Variants in UPP1 observed in about 807,000 individuals in gnomAD.
UPP1 encodes UPase 1.
Under a neutral mutation model 29.6 loss-of-function variants are expected in UPP1, and 25 were observed. The ratio of observed to expected loss-of-function variants is 0.85; its 90% CI spans 0.62 to 1.18. UPP1 has a LOEUF of 1.18. Among genes scored for constraint, UPP1 ranks in the 50% most tolerant of loss-of-function variants. UPP1 has a pLI of 0.00. For synonymous variants in UPP1, 165 were observed against 159.8 expected (o/e 1.03, Z -0.25); for missense variants, 368 against 410.4 (o/e 0.90, Z 0.89).
At chr7:48,091,681 G>T (rs1206998096) in intron 2 of UPP1, among the ~76,000 whole-genome samples, 1 of 152,202 alleles carries the variant, frequency 6.6e-6, no homozygotes, top group East Asian at 1.9e-4. Context: ...TGGTTAAATA[G>T]ACCCTCCCTG....
rs780413418 is a variant in UPP1 at position 48,099,547 on chromosome 7, C to T, written c.45-123C>T. ...GGCAATGTTGGGGTTGTCTTATCTC[C>T]GGGATCTGGCCCTGTCTTTCTCCCA... is the stretch of plus-strand genomic sequence containing the variant. On this transcript the variant is annotated intron_variant, in intron 3 of 8. Coordinates refer to ENST00000395564, the MANE Select transcript of UPP1 (RefSeq NM_003364.4). 388 of 686,570 alleles carry T rather than the reference C, an allele frequency of 5.7e-4. 1 individual carries two copies. The highest frequency in any genetic ancestry group is 8.7e-4 in the Non-Finnish European group (344 of 395,796). The allele number at this position is 686,570 out of a possible 1,614,324, so 42.5% of individuals were successfully genotyped here. A position where few individuals can be genotyped will look rare whatever the true frequency, so the allele number is the denominator to read the frequency against.
At chr7:48,091,835 A>G (rs1348713046) in intron 2 of UPP1, among the ~76,000 whole-genome samples, 2 of 152,226 alleles carry the variant, frequency 1.3e-5, no homozygotes, top group Admixed American at 6.5e-5. Context: ...AGCGGAAAGC[A>G]GTGACTGGAC....
chr7:48,106,499 T>TG lies in UPP1; in HGVS notation c.437-370dup, dbSNP rs35985285. Reference sequence around the variant, plus strand: ...CTAATTTTTGTATTTTTAGTAGAGATGGGGTCTCACCATGTTGGCCAGGCT... The same window carrying TG: ...CTAATTTTTGTATTTTTAGTAGAGATGGGGGTCTCACCATGTTGGCCAGGCT... On this transcript the variant is annotated intron_variant, in intron 6 of 8. Coordinates refer to ENST00000395564, the MANE Select transcript of UPP1 (RefSeq NM_003364.4). The TG allele has an allele frequency of 5.4e-5, 12 of 221,540 alleles. No individual in the cohort carries two copies. In the South Asian group the frequency reaches 7.4e-4, roughly 14 times the overall value. 13.7% of individuals were successfully genotyped at this position (221,540 alleles called of 1,614,324 possible). A position where few individuals can be genotyped will look rare whatever the true frequency, so the allele number is the denominator to read the frequency against.
rs1792894686 is a variant in UPP1, at chr7:48,108,441, A to G, written c.*84A>G. 1 of 1,467,400 alleles carries G rather than the reference A, an allele frequency of 6.8e-7. No homozygotes were observed. The highest frequency in any genetic ancestry group is 9.2e-7 in the Non-Finnish European group (1 of 1,084,280). 90.9% of individuals were successfully genotyped at this position (1,467,400 alleles called of 1,614,324 possible). On this transcript the variant is annotated 3_prime_UTR_variant, in exon 9 of 9. Coordinates refer to ENST00000395564, the MANE Select transcript of UPP1 (RefSeq NM_003364.4). ...AAAATCCCCTGTTGTGTGGACTTTGAGCACACTTTACACAAGAATCTAGAA... is the reference window on the plus strand; with the variant it reads ...AAAATCCCCTGTTGTGTGGACTTTGGGCACACTTTACACAAGAATCTAGAA...
Position 48,108,202 on chromosome 7 carries a change from T to TCTTTGTC in UPP1, c.794-10_794-4dup. 6.2e-7 allele frequency: 1 copy of TCTTTGTC among 1,610,192 alleles called. No individual in the cohort carries two copies. The highest frequency in any genetic ancestry group is 1.1e-5 in the South Asian group (1 of 90,632). Reference sequence around the variant, plus strand: ...CCCCCGGCACCTTGCCTTGATGTGGTCTTTGTCCTTTGCAGCGGCCGTGGT... The same window carrying TCTTTGTC: ...CCCCCGGCACCTTGCCTTGATGTGGTCTTTGTCCTTTGTCCTTTGCAGCGGCCGTGGT... On this transcript the variant is annotated splice_polypyrimidine_tract_variant and intron_variant, in intron 8 of 8. Coordinates refer to ENST00000395564, the MANE Select transcript of UPP1 (RefSeq NM_003364.4).
chr7:48,092,984 G>A (rs1021226443), intron 2 of UPP1, among the ~76,000 whole-genome samples: 3 of 152,066 alleles, frequency 2.0e-5, no homozygotes, highest in Non-Finnish European at 4.4e-5. Flanking sequence ...GATTAGGGGC[G>A]TGGGCCACTG....
chr7:48,106,708 T>C lies in UPP1; in HGVS notation c.437-165T>C. ...TTAAAAAAAAGTTGAATGGGAAAAA[T>C]GGGTCACTGTGTATTTGAGAACAGT... On this transcript the variant is annotated intron_variant, in intron 6 of 8. Coordinates refer to ENST00000395564, the MANE Select transcript of UPP1 (RefSeq NM_003364.4). The C allele has an allele frequency of 4.8e-6, 3 of 627,660 alleles. No homozygotes were observed. In the South Asian group the frequency reaches 5.9e-5, roughly 12 times the overall value. The allele number at this position is 627,660 out of a possible 1,614,324, so 38.9% of individuals were successfully genotyped here.
At chr7:48,098,534 T>A (rs78998317) in intron 3 of UPP1, among the ~76,000 whole-genome samples, 3,797 of 152,204 alleles carry the variant, frequency 0.025, 170 homozygotes, top group African/African-American at 0.087. Flanking sequence ...AAAATATAGA[T>A]AAGGTGTAAC....
At chr7:48,105,749 G>GGGGTCCCTCTTATAAGGGCACTAAT (rs1562658514) in intron 6 of UPP1, 1 of 152,110 alleles carries the variant, frequency 6.6e-6, no homozygotes, top group African/African-American at 2.4e-5. Context: ...GCAGCTCTCC[G>GGGGTCCCTCTTATAAGGGCACTAAT]GGGTCCCTCT....
intron 8 of UPP1, among the ~76,000 whole-genome samples, chr7:48,107,980 C>T (rs574593868): frequency 6.6e-6 from 1 of 152,244 alleles, no homozygotes; most frequent in South Asian, 2.1e-4. Flanking sequence ...GAAGCAGGCA[C>T]GAGAATAAGG....
intron 4 of UPP1, 76 bp downstream of exon 4, chr7:48,099,863 C>T (rs1792327782): frequency 1.3e-5 from 12 of 958,620 alleles, no homozygotes; most frequent in Admixed American, 1.9e-5. Flanking sequence ...GTAGACCAAC[C>T]CACAAATGCT....
At chr7:48,094,894 C>A (rs1347867713) in intron 3 of UPP1, 67 bp downstream of exon 3, 2 of 1,554,174 alleles carry the variant, frequency 1.3e-6, no homozygotes, top group Non-Finnish European at 8.8e-7. Flanking sequence ...ATATGTTGTG[C>A]CACACATTTT....
intron 3 of UPP1, among the ~76,000 whole-genome samples, chr7:48,096,255 G>A (rs997814241): frequency 6.6e-6 from 1 of 152,218 alleles, no homozygotes; most frequent in Admixed American, 6.5e-5. Flanking sequence ...TCCACTTGCT[G>A]AAAGGCAGTC....
Position 48,107,407 on chromosome 7 carries a change from C to T in UPP1, c.693C>T (p.Asp231=), listed in dbSNP as rs749707479. The T allele has an allele frequency of 5.0e-6, 8 of 1,614,190 alleles. No individual in the cohort carries two copies. The South Asian group carries it at 6.6e-5, about 13-fold the overall frequency. The part of the protein sequence containing the change: ...DGALCSYTEK[D]KQAYLEAAYA... ...CTCTCTGCTCCTACACGGAGAAGGA[C>T]AAGCAGGCGTATCTGGAGGCAGCCT... Residue 231 remains aspartate (D), a synonymous_variant, in exon 8 of 9, where the codon GAC becomes GAT. Coordinates refer to ENST00000395564, the MANE Select transcript of UPP1 (RefSeq NM_003364.4).
chr7:48,100,640 A>G (rs1438718961), intron 4 of UPP1, among the ~76,000 whole-genome samples: 1 of 152,218 alleles, frequency 6.6e-6, no homozygotes, highest in Non-Finnish European at 1.5e-5. Context: ...ATGAACTGAC[A>G]TGTAGAATTA....
At chr7:48,096,215 G>A (rs915060837) in intron 3 of UPP1, among the ~76,000 whole-genome samples, 3 of 152,076 alleles carry the variant, frequency 2.0e-5, no homozygotes, top group Non-Finnish European at 4.4e-5. Flanking sequence ...ACCCTCCCTT[G>A]TTTTATCCTC....
chr7:48,107,739 A>G lies in UPP1; in HGVS notation c.793+232A>G, dbSNP rs1205452018. 2.6e-5 allele frequency among the ~76,000 whole-genome samples: 4 copies of G among 152,214 alleles called. No individual in the cohort carries two copies. The East Asian group carries it at 7.7e-4, about 29-fold the overall frequency. ...TTCTCAGTGACCTTGTGCAGGAAAA[A>G]TGACAAAAAAGCTTTTGCTGCCCCA... On this transcript the variant is annotated intron_variant, in intron 8 of 8. Transcript: ENST00000395564.
Position 48,108,407 on chromosome 7 carries a change from G to A in UPP1, c.*50G>A, listed in dbSNP as rs774242711. 1.3e-6 allele frequency: 2 copies of A among 1,575,108 alleles called. No homozygotes were observed. The highest frequency in any genetic ancestry group is 1.7e-6 in the Non-Finnish European group (2 of 1,153,312). ...CTGCTGTGATGACTTGCCATTAAAAGCATTGTCCAAAATCCCCTGTTGTGT... is the reference window on the plus strand; with the variant it reads ...CTGCTGTGATGACTTGCCATTAAAAACATTGTCCAAAATCCCCTGTTGTGT... On this transcript the variant is annotated 3_prime_UTR_variant, in exon 9 of 9. Coordinates refer to ENST00000395564, the MANE Select transcript of UPP1 (RefSeq NM_003364.4).
intron 8 of UPP1, among the ~76,000 whole-genome samples, chr7:48,108,013 C>T (rs1405363051): frequency 6.6e-6 from 1 of 152,146 alleles, no homozygotes; most frequent in Non-Finnish European, 1.5e-5. Flanking sequence ...AGGGTGGTGT[C>T]AGAGAGGGAG....
Sources: allele counts gnomAD v4.1 joint callset (sites outside exome capture counted in the v4.1 genomes callset), GRCh38; gene constraint gnomAD v4.1.1; transcripts MANE v1.5; gene names NCBI Gene and HGNC (gene_info 2026-07-23, HGNC 2026-07-21).